NUP155: variants seen among roughly 807,000 people sequenced by gnomAD.
The protein encoded by NUP155 is nuclear pore complex protein Nup155.
NUP155 carries 71 observed loss-of-function variants against 180.4 expected under a neutral mutation model. That is an observed-to-expected ratio of 0.39 (90% CI 0.33 to 0.48). NUP155 has a LOEUF of 0.48. Ranked by LOEUF, NUP155 falls within the 20% of genes least tolerant of loss-of-function variation. The pLI is 0.91. For synonymous variants in NUP155, 582 were observed against 559.5 expected, an observed-to-expected ratio of 1.04 and a Z score of -0.57; for missense variants, 1,553 against 1,648.9, an observed-to-expected ratio of 0.94 and a Z score of 1.01.
intron 32 of NUP155, among the ~76,000 whole-genome samples, chr5:37,294,825 G>A (rs897411385): frequency 2.0e-5 from 3 of 152,152 alleles, no homozygotes; most frequent in Admixed American, 6.5e-5. Flanking sequence ...ATTAGTGGCT[G>A]CCTAGGGCTG....
chr5:37,307,361 G>A lies in NUP155; in HGVS notation c.2839C>T (p.Leu947Phe), dbSNP rs149244067. 6.2e-7 allele frequency: 1 copy of A among 1,613,824 alleles called. No homozygotes were observed. Among genetic ancestry groups the A allele is most frequent in the Non-Finnish European group, 8.5e-7 (1 of 1,179,872 alleles). ...GGTTCTCCATGTTTATAGAAATGAA[G>A]CCCAAGACCTTGAGGATCTTTTTTC... Reference protein sequence around the residue: ...AEKKDPQGLGLHFYKHGEPEE... With the variant: ...AEKKDPQGLGFHFYKHGEPEE... The change falls in exon 25 of 35, where the codon CTT becomes TTT. Residue 947 changes from leucine (L) to phenylalanine (F), a missense_variant. By Grantham distance (22) the Leu-to-Phe change is conservative (BLOSUM62 0). Transcript: ENST00000231498.
At position 37,315,121 on chromosome 5, in the gene NUP155, A is replaced by T. The variant is rs967286997; in HGVS notation, c.2306-793T>A. Among the ~76,000 whole-genome samples, 23 of 152,220 alleles carry T rather than the reference A, an allele frequency of 1.5e-4. 1 individual carries two copies. Among genetic ancestry groups the T allele is most frequent in the African/African-American group, 4.6e-4 (19 of 41,460 alleles). The stretch of plus-strand genomic sequence containing the variant: ...GTGGCACACGCCTGTGATCCCAGCT[A>T]CTTGAGAGGCTGAGGCAGGAGAATC... On this transcript the variant is annotated intron_variant, in intron 21 of 34. Transcript: ENST00000231498.
In NUP155 at chr5:37,327,635, A is replaced by G. The variant is rs1176811079; in HGVS notation, c.2018T>C (p.Ile673Thr). The change falls in exon 18 of 35, where the codon ATC (isoleucine) becomes ACC (threonine). Residue 673 changes from isoleucine (I) to threonine (T), a missense_variant. By Grantham distance (89) the Ile-to-Thr change is moderately conservative. Transcript: ENST00000231498. ...HNGICIYFSR[I>T]MGNIWDASLV... ...TATTTCATGACAAACTTACCCCATG[A>G]TCCGAGAAAAGTAAATGCAAATACC... 1 of 1,614,142 alleles carries G rather than the reference A, an allele frequency of 6.2e-7. No homozygotes were observed. Among genetic ancestry groups the G allele is most frequent in the East Asian group, 2.2e-5 (1 of 44,872 alleles).
chr5:37,353,604 C>T (rs1424707187), intron 4 of NUP155, among the ~76,000 whole-genome samples: 1 of 151,846 alleles, frequency 6.6e-6, no homozygotes, highest in African/African-American at 2.4e-5. Flanking sequence ...AAAATAAAAA[C>T]ATAAAAGGAA....
chr5:37,318,679 G>A (rs1024686866), intron 20 of NUP155, among the ~76,000 whole-genome samples: 4 of 152,022 alleles, frequency 2.6e-5, no homozygotes, highest in African/African-American at 9.7e-5. Flanking sequence ...CAAACAGTTC[G>A]GATAAGGGAT....
chr5:37,294,515 T>C, intron 32 of NUP155, 50 bp from the exon 33 acceptor site: 2 of 1,548,350 alleles, frequency 1.3e-6, no homozygotes, highest in Non-Finnish European at 1.8e-6. Context: ...CTCTTGATAC[T>C]AAAAGGTAGG....
chr5:37,334,884 G>A (rs1745217538), intron 12 of NUP155, among the ~76,000 whole-genome samples: 1 of 152,042 alleles, frequency 6.6e-6, no homozygotes, highest in Non-Finnish European at 1.5e-5. Flanking sequence ...TACTGGCTCG[G>A]CGAGGTGGCT....
chr5:37,352,446 G>C (rs1217084536), intron 5 of NUP155, among the ~76,000 whole-genome samples: 1 of 152,180 alleles, frequency 6.6e-6, no homozygotes. Context: ...ACTGAAGCAG[G>C]AGAATCACTT....
chr5:37,311,061 A>T (rs2150949444), intron 22 of NUP155, among the ~76,000 whole-genome samples: 1 of 152,322 alleles, frequency 6.6e-6, no homozygotes, highest in Non-Finnish European at 1.5e-5. Context: ...GCTATATTTG[A>T]AAATCTTGGG....
intron 29 of NUP155, among the ~76,000 whole-genome samples, chr5:37,302,298 T>C (rs1003953974): frequency 3.9e-5 from 6 of 152,228 alleles, no homozygotes; most frequent in South Asian, 2.1e-4. Flanking sequence ...AGTGGTGCAA[T>C]CTCAGCTCAC....
intron 22 of NUP155, 110 bp from the exon 23 acceptor site, chr5:37,310,853 TGAAAA>T (rs1259677133): frequency 2.2e-6 from 2 of 919,292 alleles, no homozygotes; most frequent in African/African-American, 3.4e-5. Flanking sequence ...ACTCTATAAT[TGAAAA>T]GCGAAAATAT....
intron 9 of NUP155, among the ~76,000 whole-genome samples, chr5:37,347,826 C>T (rs1746196695): frequency 6.6e-6 from 1 of 151,876 alleles, no homozygotes; most frequent in Non-Finnish European, 1.5e-5. Context: ...CATGGCGAAA[C>T]CCAATCTCTA....
chr5:37,354,551 T>G (rs573367866), intron 4 of NUP155, among the ~76,000 whole-genome samples: 1 of 150,650 alleles, frequency 6.6e-6, no homozygotes, highest in East Asian at 2.0e-4. Context: ...CTTGTCCTCC[T>G]ATGCTCAAGC....
chr5:37,322,622 G>A (rs994698307), intron 20 of NUP155, among the ~76,000 whole-genome samples: 1 of 151,224 alleles, frequency 6.6e-6, no homozygotes, highest in Non-Finnish European at 1.5e-5. Flanking sequence ...CAGGAGAATG[G>A]CATGAACCCG....
intron 20 of NUP155, among the ~76,000 whole-genome samples, chr5:37,319,565 T>C (rs779569374): frequency 1.2e-4 from 18 of 152,142 alleles, no homozygotes; most frequent in Admixed American, 2.0e-4. Context: ...TATGAATATG[T>C]TAAACATATT....
intron 34 of NUP155, among the ~76,000 whole-genome samples, chr5:37,292,248 CT>C (rs1742274820): frequency 6.6e-6 from 1 of 150,864 alleles, no homozygotes; most frequent in African/African-American, 2.4e-5. Context: ...CGGAGTCTCG[CT>C]CTGTCACTCA....
intron 13 of NUP155, among the ~76,000 whole-genome samples, chr5:37,332,006 A>G (rs1384116410): frequency 2.0e-5 from 3 of 152,168 alleles, no homozygotes; most frequent in Admixed American, 2.0e-4. Flanking sequence ...AAAAAGTACA[A>G]CTGGTCAAAA....
intron 25 of NUP155, 133 bp downstream of exon 25, chr5:37,307,164 C>G: frequency 1.2e-6 from 1 of 858,278 alleles, no homozygotes; most frequent in South Asian, 1.6e-5. Context: ...CACGACTGCA[C>G]TCCAGCCCAG....
chr5:37,310,852 T>C (rs1470183845), intron 22 of NUP155, 109 bp from the exon 23 acceptor site: 13 of 923,842 alleles, frequency 1.4e-5, no homozygotes, highest in African/African-American at 1.3e-4. Flanking sequence ...GACTCTATAA[T>C]TGAAAAGCGA....
Sources: gnomAD v4.1 joint callset for allele counts (sites outside exome capture counted in the v4.1 genomes callset) on GRCh38, gnomAD v4.1.1 for gene constraint, MANE v1.5 for transcripts, NCBI Gene and HGNC (gene_info 2026-07-23, HGNC 2026-07-21) for gene names.